Variants in DISC1 observed in about 807,000 individuals in gnomAD.
The protein encoded by DISC1 is disrupted in schizophrenia 1 protein.
DISC1 carries 57 observed loss-of-function variants against 84.5 expected under a neutral mutation model. The observed-to-expected ratio is 0.67, with a 90% confidence interval of 0.55 to 0.84. The LOEUF (loss-of-function observed/expected upper bound fraction) is 0.84. Ranked by LOEUF, DISC1 falls within the 40% of genes least tolerant of loss-of-function variation. The probability of loss-of-function intolerance (pLI) is 0.00; values close to 1 mark genes in which losing one functional copy is unlikely to be tolerated. For missense variants in DISC1, 1,000 were observed against 1,057.8 expected (o/e 0.95, Z 0.76); for synonymous variants, 411 against 415.2 (o/e 0.99, Z 0.12).
intron 4 of DISC1, among the ~76,000 whole-genome samples, chr1:231,766,156 G>A (rs1271976331): frequency 2.2e-4 from 34 of 152,080 alleles, no homozygotes; most frequent in Admixed American, 2.2e-3. Context: ...TGGGCATGGT[G>A]GCACACGCCT....
At chr1:231,640,985 C>G (rs2059602304) in intron 1 of DISC1, among the ~76,000 whole-genome samples, 1 of 152,212 alleles carries the variant, frequency 6.6e-6, no homozygotes, top group Admixed American at 6.5e-5. Flanking sequence ...CAAATGATAA[C>G]CTACCCTGTA....
chr1:231,685,829 G>A lies in DISC1; in HGVS notation c.68-7997G>A, dbSNP rs139678570. On this transcript the variant is annotated intron_variant, in intron 1 of 12. Transcript: ENST00000439617. ...CAAGGCAATTCCCATCTGCCCATGAGCCTGTAAAATCAAAAGCAAGTTAGT... is the reference window on the plus strand; with the variant it reads ...CAAGGCAATTCCCATCTGCCCATGAACCTGTAAAATCAAAAGCAAGTTAGT... Among the ~76,000 whole-genome samples the A allele has an allele frequency of 3.5e-4, 54 of 152,274 alleles. 1 individual carries two copies. In the East Asian group the frequency reaches 9.8e-3, roughly 28 times the overall value.
chr1:231,956,335 C>T (rs1465174079), intron 9 of DISC1, among the ~76,000 whole-genome samples: 3 of 152,150 alleles, frequency 2.0e-5, no homozygotes, highest in South Asian at 2.1e-4. Flanking sequence ...ATAAATTTGT[C>T]ATGCCTTTCT....
intron 4 of DISC1, among the ~76,000 whole-genome samples, chr1:231,765,082 T>C (rs773498859): frequency 3.3e-5 from 5 of 151,286 alleles, no homozygotes; most frequent in African/African-American, 2.4e-5. Context: ...CCCAGCTACA[T>C]TGGAGGCTGA....
At chr1:231,720,043 C>T (rs1038345318) in intron 3 of DISC1, among the ~76,000 whole-genome samples, 6 of 152,234 alleles carry the variant, frequency 3.9e-5, no homozygotes, top group East Asian at 3.9e-4. Context: ...AACACTAACC[C>T]GACAGGAGAC....
At chr1:231,921,007 A>G (rs369233527) in intron 9 of DISC1, among the ~76,000 whole-genome samples, 5 of 151,370 alleles carry the variant, frequency 3.3e-5, no homozygotes, top group African/African-American at 1.2e-4. Flanking sequence ...CCTGGGTTCA[A>G]GCGATTCCCC....
In DISC1 at chr1:231,860,809, A is replaced by G. The variant is rs1287324703; in HGVS notation, c.1981+42292A>G. Among the ~76,000 whole-genome samples the G allele has an allele frequency of 2.0e-5, 3 of 152,206 alleles. No homozygotes were observed. In the East Asian group the frequency reaches 5.8e-4, roughly 29 times the overall value. ...AATGAGACACATTTCCCTACCCTTT[A>G]TCTCTCACTGATTCATTCCTTGAAT... On this transcript the variant is annotated intron_variant, in intron 9 of 12. Coordinates refer to ENST00000439617, the MANE Select transcript of DISC1 (RefSeq NM_018662.3).
At chr1:231,742,177 A>G (rs2073368893) in intron 3 of DISC1, among the ~76,000 whole-genome samples, 1 of 152,094 alleles carries the variant, frequency 6.6e-6, no homozygotes, top group Non-Finnish European at 1.5e-5. Flanking sequence ...TGTTCCTTAC[A>G]TATTAAAGTG....
chr1:231,821,477 A>G (rs1340923086), intron 9 of DISC1, among the ~76,000 whole-genome samples: 2 of 152,210 alleles, frequency 1.3e-5, no homozygotes, highest in South Asian at 4.1e-4. Flanking sequence ...AAGAGATGAT[A>G]AAGAAGTGTG....
At chr1:231,743,957 A>G (rs1167335289) in intron 3 of DISC1, among the ~76,000 whole-genome samples, 1 of 152,180 alleles carries the variant, frequency 6.6e-6, no homozygotes, top group Non-Finnish European at 1.5e-5. Flanking sequence ...CCAGTGCAGG[A>G]AAAGAGTTAG....
intron 3 of DISC1, among the ~76,000 whole-genome samples, chr1:231,749,718 T>C (rs1044105400): frequency 2.0e-5 from 3 of 152,160 alleles, no homozygotes; most frequent in African/African-American, 7.2e-5. Flanking sequence ...GTTAAAAGAA[T>C]AAAAGATAGG....
rs1669986536 is a variant in DISC1 at position 232,031,181 on chromosome 1, G to A, written c.2425+4629G>A. On this transcript the variant is annotated intron_variant, in intron 12 of 12. Transcript: ENST00000439617. This position sits in a 1 kb window ranked among gnomAD's most constrained non-coding sequence, Gnocchi z 4.6. ...AGAGAGAGAACAGGAAGGAAGGAAGGGAGAAAGGAGAGACAGAGAGAGAGG... is the reference window on the plus strand; with the variant it reads ...AGAGAGAGAACAGGAAGGAAGGAAGAGAGAAAGGAGAGACAGAGAGAGAGG... Among the ~76,000 whole-genome samples, 1 of 121,410 alleles carries A rather than the reference G, an allele frequency of 8.2e-6. No individual in the cohort carries two copies. The highest frequency in any genetic ancestry group is 2.6e-4 in the South Asian group (1 of 3,806). 79.6% of individuals were successfully genotyped at this position (121,410 alleles called of 152,430 possible). A position where few individuals can be genotyped will look rare whatever the true frequency, so the allele number is the denominator to read the frequency against.
intron 9 of DISC1, among the ~76,000 whole-genome samples, chr1:231,929,604 T>C (rs1185673290): frequency 2.6e-5 from 4 of 152,190 alleles, no homozygotes; most frequent in Non-Finnish European, 4.4e-5. Context: ...TCAGCCTTTC[T>C]TGGAAAATGC....
intron 9 of DISC1, among the ~76,000 whole-genome samples, chr1:231,866,110 C>T (rs527561885): frequency 6.6e-6 from 1 of 152,054 alleles, no homozygotes; most frequent in Non-Finnish European, 1.5e-5. Context: ...GTGTGTGGCT[C>T]AGTGCCTTTC....
intron 6 of DISC1, among the ~76,000 whole-genome samples, chr1:231,786,193 A>T (rs200060848): frequency 2.5e-4 from 38 of 152,320 alleles, no homozygotes; most frequent in Non-Finnish European, 4.3e-4. Flanking sequence ...AAAAAAGGCT[A>T]GTAAAAGATT....
intron 3 of DISC1, among the ~76,000 whole-genome samples, chr1:231,736,577 A>T (rs1002470066): frequency 1.3e-5 from 2 of 152,230 alleles, no homozygotes; most frequent in Non-Finnish European, 2.9e-5. Context: ...ATGAAAATAA[A>T]CTCAACAAAC....
At chr1:231,938,959 G>A (rs1325159661) in intron 9 of DISC1, among the ~76,000 whole-genome samples, 1 of 152,092 alleles carries the variant, frequency 6.6e-6, no homozygotes, top group African/African-American at 2.4e-5. Context: ...TATTCATTGT[G>A]TAATCTCAAC....
At chr1:231,785,452 G>GTAT (rs528991467) in intron 6 of DISC1, among the ~76,000 whole-genome samples, 447 of 151,138 alleles carry the variant, frequency 3.0e-3, no homozygotes, top group African/African-American at 0.01. Context: ...GCTAATTTTT[G>GTAT]TATTATTATT....
At chr1:232,024,034 C>CAT (rs202079795) in intron 11 of DISC1, among the ~76,000 whole-genome samples, 2,846 of 147,074 alleles carry the variant, frequency 0.019, 49 homozygotes, top group Middle Eastern at 0.081. Context: ...TATATACACA[C>CAT]ACATATATAT....
Sources: gnomAD v4.1 joint callset for allele counts (sites outside exome capture counted in the v4.1 genomes callset) on GRCh38, gnomAD v4.1.1 for gene constraint, Gnocchi (gnomAD v3.1) non-coding constraint, MANE v1.5 for transcripts, NCBI Gene and HGNC (gene_info 2026-07-23, HGNC 2026-07-21) for gene names.